Variants in COL6A6 observed in about 807,000 individuals in gnomAD.
COL6A6 encodes the protein collagen type VI alpha 6 chain.
A neutral mutation model predicts 208.6 loss-of-function variants in COL6A6; 183 were observed. The observed-to-expected ratio is 0.88, with a 90% confidence interval of 0.78 to 0.99. The LOEUF (loss-of-function observed/expected upper bound fraction) is 0.99, where lower values mean the gene tolerates loss of function less well. Among genes scored for constraint, COL6A6 ranks in the 50% least tolerant of loss-of-function variants. COL6A6 has a pLI of 0.00. For missense variants in COL6A6, 2,816 were observed against 2,815.2 expected (o/e 1.00, Z -0.01); for synonymous variants, 973 against 1,011.8 (o/e 0.96, Z 0.73).
rs1300210745 is a variant in COL6A6, at chr3:130,641,657, T to G, written c.5097T>G (p.Ser1699=). The G allele has an allele frequency of 1.4e-5, 22 of 1,581,010 alleles. No individual in the cohort carries two copies. The highest frequency in any genetic ancestry group is 1.9e-5 in the Non-Finnish European group (22 of 1,152,668). ...AAAATAAATTCTCCTTTGAGATATC[T>G]GCTGGGCTTCCAGGAGAGATGGGAT... The part of the protein sequence containing the change: ...GLKGARGKMI[S]AGLPGEMGSP... The change falls in exon 29 of 37, where the codon TCT becomes TCG. Residue 1699 remains serine (S), a synonymous_variant. Transcript: ENST00000358511.
chr3:130,589,638 C>G (rs896585549), intron 12 of COL6A6, among the ~76,000 whole-genome samples: 1 of 152,172 alleles, frequency 6.6e-6, no homozygotes, highest in African/African-American at 2.4e-5. Context: ...GTTAAGATGT[C>G]TCATTCATCT....
intron 17 of COL6A6, among the ~76,000 whole-genome samples, chr3:130,593,531 C>G (rs1560040599): frequency 6.6e-6 from 1 of 152,278 alleles, no homozygotes; most frequent in East Asian, 1.9e-4. Context: ...TAGCCATGAC[C>G]TTTTTATGCC....
chr3:130,549,172 A>G (rs1034060146), intron 1 of COL6A6, among the ~76,000 whole-genome samples: 1 of 152,062 alleles, frequency 6.6e-6, no homozygotes, highest in Non-Finnish European at 1.5e-5. Context: ...AGATTCATTC[A>G]TATTTTTGTT....
chr3:130,530,191 C>T (rs7610943), intron 1 of COL6A6, among the ~76,000 whole-genome samples: 121,266 of 149,948 alleles, frequency 0.81, 49,570 homozygotes, highest in Non-Finnish European at 0.86. Flanking sequence ...GCTTAAAAAC[C>T]GTTTGGCTCT....
At chr3:130,564,600 G>A (rs140197806) in intron 3 of COL6A6, among the ~76,000 whole-genome samples, 562 of 152,226 alleles carry the variant, frequency 3.7e-3, no homozygotes, top group Middle Eastern at 0.01. Flanking sequence ...TTGCTATTTC[G>A]TTACTATCCC....
chr3:130,594,681 C>CT (rs1052223801), intron 18 of COL6A6, among the ~76,000 whole-genome samples: 2 of 152,020 alleles, frequency 1.3e-5, no homozygotes, highest in Admixed American at 6.6e-5. Flanking sequence ...AAAGCCATGT[C>CT]TTTTTTTTCT....
At chr3:130,636,654 A>G (rs1576368058) in intron 28 of COL6A6, among the ~76,000 whole-genome samples, 2 of 152,030 alleles carry the variant, frequency 1.3e-5, no homozygotes, top group East Asian at 1.9e-4. Context: ...TCTACAAACT[A>G]TACGATCTTT....
At chr3:130,616,552 G>A (rs199614406) in intron 23 of COL6A6, among the ~76,000 whole-genome samples, 1,122 of 120,528 alleles carry the variant, frequency 9.3e-3, no homozygotes, top group Non-Finnish European at 0.011. Flanking sequence ...ATCAATGCCT[G>A]AAAAAAAAAA....
At chr3:130,544,655 CA>C (rs199539861) in intron 1 of COL6A6, among the ~76,000 whole-genome samples, 1,684 of 152,322 alleles carry the variant, frequency 0.011, 37 homozygotes, top group African/African-American at 0.039. Flanking sequence ...TTCCCACCAA[CA>C]GTGTATGAGG....
In COL6A6 at chr3:130,675,352, TAAG is replaced by T; in HGVS notation, c.6750_6752del (p.Lys2250del). 2.5e-6 allele frequency: 4 copies of T among 1,600,254 alleles called. No homozygotes were observed. The highest frequency in any genetic ancestry group is 3.4e-6 in the Non-Finnish European group (4 of 1,173,096). On this transcript the variant is annotated inframe_deletion, in exon 37 of 37. Transcript: ENST00000358511. ...TTATGAGAAGCACCTCCCATACCTT[TAAG>T]AATGGAAGGATGATAGAAAGTGCTC...
chr3:130,591,097 AAGTC>A lies in COL6A6; in HGVS notation c.4272+6_4272+9del. ...ACCTGGGAGAGGAGGGAATCGCTGT[AAGTC>A]AGGGCTCTTTTTTACCTCCATTTAT... On this transcript the variant is annotated splice_donor_5th_base_variant and intron_variant, in intron 13 of 36. Transcript: ENST00000358511. The A allele has an allele frequency of 6.3e-7, 1 of 1,577,678 alleles. No homozygotes were observed. Among genetic ancestry groups the A allele is most frequent in the Non-Finnish European group, 8.6e-7 (1 of 1,158,896 alleles).
intron 1 of COL6A6, among the ~76,000 whole-genome samples, chr3:130,528,040 T>C (rs1030479463): frequency 6.6e-6 from 1 of 151,890 alleles, no homozygotes; most frequent in Non-Finnish European, 1.5e-5. Flanking sequence ...GAGACAGACA[T>C]TGAAGAGATA....
chr3:130,656,555 C>T (rs766542511), intron 33 of COL6A6, among the ~76,000 whole-genome samples: 8 of 152,182 alleles, frequency 5.3e-5, no homozygotes, highest in South Asian at 2.1e-4. Context: ...AGGCCACTGA[C>T]GGGCCAGAAA....
In COL6A6 at chr3:130,676,079, C is replaced by G. The variant is rs2066351940; in HGVS notation, c.*682C>G. On this transcript the variant is annotated 3_prime_UTR_variant, in exon 37 of 37. Coordinates refer to ENST00000358511, the MANE Select transcript of COL6A6 (RefSeq NM_001102608.3). The stretch of plus-strand genomic sequence containing the variant: ...GAAGCTTACTGCCATTTTGATGGAG[C>G]TTGAAGCCCCCATTTTGATGGACTT... 6.6e-6 allele frequency: 1 copy of G among 152,216 alleles called. No homozygotes were observed. The highest frequency in any genetic ancestry group is 1.5e-5 in the Non-Finnish European group (1 of 68,038). The allele number at this position is 152,216 out of a possible 1,614,324, so 9.4% of individuals were successfully genotyped here.
chr3:130,580,427 C>T (rs1284630764), intron 8 of COL6A6, among the ~76,000 whole-genome samples: 1 of 152,056 alleles, frequency 6.6e-6, no homozygotes, highest in Non-Finnish European at 1.5e-5. Flanking sequence ...TCAGTCAATT[C>T]TCATTAAAAA....
intron 33 of COL6A6, among the ~76,000 whole-genome samples, chr3:130,658,389 T>G (rs1231515541): frequency 1.3e-5 from 2 of 152,240 alleles, no homozygotes; most frequent in Non-Finnish European, 2.9e-5. Flanking sequence ...GTGCAAGCGC[T>G]TTACAAATAT....
At chr3:130,516,924 G>A (rs1246471702), upstream of COL6A6, among the ~76,000 whole-genome samples, 1 of 152,208 alleles carries the variant, frequency 6.6e-6, no homozygotes, top group Non-Finnish European at 1.5e-5. Context: ...GAGAAGGCGC[G>A]TACCATGAAA....
chr3:130,670,696 T>C (rs183050252), intron 36 of COL6A6, among the ~76,000 whole-genome samples: 1 of 152,166 alleles, frequency 6.6e-6, no homozygotes, highest in Non-Finnish European at 1.5e-5. Flanking sequence ...CACGCTGCAT[T>C]TATCTTTTGC....
In COL6A6 at chr3:130,568,099, T is replaced by G; in HGVS notation, c.1896T>G (p.Ser632Arg). 1 of 1,613,992 alleles carries G rather than the reference T, an allele frequency of 6.2e-7. No individual in the cohort carries two copies. The highest frequency in any genetic ancestry group is 8.5e-7 in the Non-Finnish European group (1 of 1,179,878). Reference sequence around the variant, plus strand: ...TGTTTCTGGTGGACAGTTCTGGAAGTATAGGACCTGAAAACTTCAGCAAAA... The same window carrying G: ...TGTTTCTGGTGGACAGTTCTGGAAGGATAGGACCTGAAAACTTCAGCAAAA... ...DIMFLVDSSG[S>R]IGPENFSKMK... The change falls in exon 6 of 37, where the codon AGT becomes AGG. Residue 632 changes from serine to arginine, a missense_variant. Transcript: ENST00000358511.
Sources: allele counts gnomAD v4.1 joint callset (sites outside exome capture counted in the v4.1 genomes callset), GRCh38; gene constraint gnomAD v4.1.1; transcripts MANE v1.5; gene names NCBI Gene and HGNC (gene_info 2026-07-23, HGNC 2026-07-21).